Variants in EPHA6 observed in about 807,000 individuals in gnomAD.
The protein encoded by EPHA6 is ephrin type-A receptor 6.
EPHA6 carries 50 observed loss-of-function variants against 112.0 expected under a neutral mutation model. That is an observed-to-expected ratio of 0.45 (90% CI 0.36 to 0.56). The LOEUF (loss-of-function observed/expected upper bound fraction) is 0.56. EPHA6 is among the 20% of genes least tolerant of loss of function. The pLI is 0.00. For synonymous variants in EPHA6, 529 were observed against 490.7 expected (o/e 1.08, Z -1.03); for missense variants, 1,280 against 1,417.4 (o/e 0.90, Z 1.56).
chr3:97,611,098 A>G (rs1166948291), intron 13 of EPHA6, among the ~76,000 whole-genome samples: 1 of 151,628 alleles, frequency 6.6e-6, no homozygotes, highest in Admixed American at 6.6e-5. Flanking sequence ...GTGTGTGTAT[A>G]TATATGTGTG....
intron 5 of EPHA6, among the ~76,000 whole-genome samples, chr3:97,387,304 A>G (rs1467078415): frequency 6.7e-6 from 1 of 150,098 alleles, no homozygotes; most frequent in Admixed American, 6.6e-5. Flanking sequence ...TTTAAATAAT[A>G]GTTACAATTC....
At chr3:97,156,369 C>A (rs1432087473) in intron 3 of EPHA6, among the ~76,000 whole-genome samples, 2 of 152,012 alleles carry the variant, frequency 1.3e-5, no homozygotes, top group Non-Finnish European at 2.9e-5. Context: ...AACAAAATTT[C>A]TCCAAAAATG....
At chr3:97,734,848 G>A (rs1363902458) in intron 15 of EPHA6, among the ~76,000 whole-genome samples, 1 of 151,944 alleles carries the variant, frequency 6.6e-6, no homozygotes, top group Non-Finnish European at 1.5e-5. Context: ...AAGAATAAAT[G>A]TTCACACGGA....
intron 5 of EPHA6, among the ~76,000 whole-genome samples, chr3:97,384,425 G>C (rs183471283): frequency 1.4e-4 from 21 of 152,286 alleles, no homozygotes; most frequent in Non-Finnish European, 2.4e-4. Context: ...ATATGTAGTA[G>C]AGCCTGGGCT....
intron 3 of EPHA6, among the ~76,000 whole-genome samples, chr3:97,013,102 T>C (rs1201040457): frequency 6.6e-6 from 1 of 152,134 alleles, no homozygotes; most frequent in Non-Finnish European, 1.5e-5. Context: ...TTAACTTAAT[T>C]AGGCCTCACT....
intron 10 of EPHA6, among the ~76,000 whole-genome samples, chr3:97,516,649 A>G (rs2092452734): frequency 6.6e-6 from 1 of 152,124 alleles, no homozygotes; most frequent in Admixed American, 6.6e-5. Context: ...TTAAAAATCT[A>G]ATGTTGTATG....
chr3:97,552,458 A>G (rs1185541969), intron 11 of EPHA6, among the ~76,000 whole-genome samples: 2 of 152,188 alleles, frequency 1.3e-5, no homozygotes, highest in East Asian at 3.9e-4. Flanking sequence ...TGCTAAATCA[A>G]GTTTGAATCC....
At chr3:97,465,353 C>T (rs2091018329) in intron 7 of EPHA6, among the ~76,000 whole-genome samples, 1 of 151,980 alleles carries the variant, frequency 6.6e-6, no homozygotes, top group Non-Finnish European at 1.5e-5. Context: ...TGCCAAAAAC[C>T]TTCTTGCTGC....
intron 4 of EPHA6, among the ~76,000 whole-genome samples, chr3:97,237,813 C>T (rs991246120): frequency 1.3e-5 from 2 of 151,842 alleles, no homozygotes; most frequent in Admixed American, 6.6e-5. Flanking sequence ...TGAAAAAGGC[C>T]ATATGTCAGT....
At chr3:97,018,654 C>A (rs372133425) in intron 3 of EPHA6, among the ~76,000 whole-genome samples, 2 of 152,150 alleles carry the variant, frequency 1.3e-5, no homozygotes, top group African/African-American at 4.8e-5. Context: ...GCCAGGTGTA[C>A]AGGATGGAAC....
At chr3:97,007,271 ATGAATC>A (rs2043915894) in intron 3 of EPHA6, among the ~76,000 whole-genome samples, 2 of 152,314 alleles carry the variant, frequency 1.3e-5, no homozygotes, top group Admixed American at 1.3e-4. Flanking sequence ...AACTTGTCTT[ATGAATC>A]TGTGCCCTCC....
At chr3:97,083,197 A>G (rs2046779040) in intron 3 of EPHA6, among the ~76,000 whole-genome samples, 2 of 151,968 alleles carry the variant, frequency 1.3e-5, no homozygotes, top group Non-Finnish European at 2.9e-5. Flanking sequence ...TGCCCCTGCC[A>G]TACATCTTTG....
In EPHA6 at chr3:97,469,875, C is replaced by T. The variant is rs57194857; in HGVS notation, c.1895-5477C>T. 2.8e-3 allele frequency among the ~76,000 whole-genome samples: 420 copies of T among 151,728 alleles called. 2 individuals carry two copies. The highest frequency in any genetic ancestry group is 8.3e-3 in the African/African-American group (344 of 41,476). On this transcript the variant is annotated intron_variant, in intron 7 of 17. Transcript: ENST00000389672. ...TAGCAAATGATGAAACTAGTCTACT[C>T]CTGTGGGGCTGAAGCCTCACAGTAG...
At chr3:96,913,743 A>G (rs148028191) in intron 2 of EPHA6, among the ~76,000 whole-genome samples, 260 of 152,280 alleles carry the variant, frequency 1.7e-3, no homozygotes, top group African/African-American at 5.6e-3. Flanking sequence ...TAAGTAATCT[A>G]TAGGGATCTA....
chr3:97,168,602 T>G (rs544624051), intron 3 of EPHA6, among the ~76,000 whole-genome samples: 1 of 126,668 alleles, frequency 7.9e-6, no homozygotes, highest in South Asian at 2.2e-4. Context: ...TCTGTGTGTC[T>G]CTCTCTGTCT....
intron 2 of EPHA6, among the ~76,000 whole-genome samples, chr3:96,966,366 A>C (rs1011807357): frequency 6.6e-6 from 1 of 152,134 alleles, no homozygotes; most frequent in Admixed American, 6.6e-5. Flanking sequence ...GTGGGTTGAC[A>C]GGGTTCAGTC....
chr3:97,566,375 A>G (rs2093267004), intron 11 of EPHA6, among the ~76,000 whole-genome samples: 1 of 152,216 alleles, frequency 6.6e-6, no homozygotes, highest in African/African-American at 2.4e-5. Context: ...ACAAATATCC[A>G]AACTATATCA....
At chr3:97,511,377 A>T (rs1307337995) in intron 10 of EPHA6, among the ~76,000 whole-genome samples, 3 of 152,130 alleles carry the variant, frequency 2.0e-5, no homozygotes, top group Non-Finnish European at 4.4e-5. Flanking sequence ...AGTGTCTGGG[A>T]TGCAATGCAC....
At chr3:97,556,703 A>T (rs577795961) in intron 11 of EPHA6, among the ~76,000 whole-genome samples, 3 of 152,106 alleles carry the variant, frequency 2.0e-5, no homozygotes, top group Admixed American at 2.0e-4. Context: ...GTCTTACTAT[A>T]CAGGTTCAAA....
Sources: gnomAD v4.1 joint callset for allele counts (sites outside exome capture counted in the v4.1 genomes callset) on GRCh38, gnomAD v4.1.1 for gene constraint, MANE v1.5 for transcripts, NCBI Gene and HGNC (gene_info 2026-07-23, HGNC 2026-07-21) for gene names.